Variants in SNX29 observed in about 807,000 individuals in gnomAD.
SNX29 encodes the protein sorting nexin-29.
Under a neutral mutation model 102.1 loss-of-function variants are expected in SNX29, and 78 were observed. That is an observed-to-expected ratio of 0.76 (90% CI 0.64 to 0.92). SNX29 has a LOEUF of 0.92. SNX29 is among the 40% of genes least tolerant of loss of function. SNX29 has a pLI of 0.00. For missense variants in SNX29, 1,280 were observed against 1,061.7 expected (o/e 1.21, Z -2.86); for synonymous variants, 580 against 414.5 (o/e 1.40, Z -4.85).
In SNX29 at chr16:12,573,188, G is replaced by C. The variant is rs928413872; in HGVS notation, c.*4559G>C. ...AGAAGTAAGGGTGTAGCCATCCAGG[G>C]TCTCCCGGCTCTAGGCAGACCGGAT... On this transcript the variant is annotated 3_prime_UTR_variant, in exon 21 of 21. Transcript: ENST00000566228. The C allele has an allele frequency of 4.4e-6, 1 of 226,220 alleles. No homozygotes were observed. The highest frequency in any genetic ancestry group is 8.8e-6 in the Non-Finnish European group (1 of 113,746). 14.0% of individuals were successfully genotyped at this position (226,220 alleles called of 1,614,324 possible).
chr16:12,296,343 C>T (rs528406634), intron 15 of SNX29, among the ~76,000 whole-genome samples: 1 of 152,300 alleles, frequency 6.6e-6, no homozygotes, highest in South Asian at 2.1e-4. Flanking sequence ...TGCTCTGCAC[C>T]TGTAAGTTTG....
At chr16:12,060,538 G>A (rs906588418) in intron 8 of SNX29, among the ~76,000 whole-genome samples, 1 of 152,214 alleles carries the variant, frequency 6.6e-6, no homozygotes, top group Non-Finnish European at 1.5e-5. Flanking sequence ...AAGAGCTCAA[G>A]GTTGCAGTGA....
chr16:12,051,929 C>G lies in SNX29; in HGVS notation c.831C>G (p.Asn277Lys). The stretch of plus-strand genomic sequence containing the variant: ...TTGATGATGAGGAAGATGAGCAGAA[C>G]TCTGGGGACGTGTTTAAAAAGACAC... ...ISFDDEEDEQ[N>K]SGDVFKKTPG... is the part of the protein sequence containing the mutation. Residue 277 changes from asparagine (N) to lysine (K), a missense_variant, in exon 8 of 21, where the codon AAC becomes AAG. By Grantham distance (94) the Asn-to-Lys change is moderately conservative. Transcript: ENST00000566228. 1 of 1,613,248 alleles carries G rather than the reference C, an allele frequency of 6.2e-7. No homozygotes were observed. The highest frequency in any genetic ancestry group is 8.5e-7 in the Non-Finnish European group (1 of 1,179,808).
At chr16:12,303,865 G>A (rs569045522) in intron 15 of SNX29, among the ~76,000 whole-genome samples, 3 of 152,152 alleles carry the variant, frequency 2.0e-5, no homozygotes, top group Non-Finnish European at 4.4e-5. Flanking sequence ...TGAGAATGAC[G>A]TGCACCTTCT....
At chr16:12,439,529 CAAG>C (rs1247217626) in intron 18 of SNX29, among the ~76,000 whole-genome samples, 1 of 152,154 alleles carries the variant, frequency 6.6e-6, no homozygotes, top group Non-Finnish European at 1.5e-5. Context: ...TGGTGGCAGA[CAAG>C]AGAATGAGAG....
intron 13 of SNX29, among the ~76,000 whole-genome samples, chr16:12,170,719 G>C (rs2076128946): frequency 6.6e-6 from 1 of 151,846 alleles, no homozygotes; most frequent in African/African-American, 2.4e-5. Context: ...AAGGGGTTCT[G>C]TGGGAGAGGA....
At chr16:12,125,603 CTCT>C (rs2054173036) in intron 11 of SNX29, among the ~76,000 whole-genome samples, 5 of 71,496 alleles carry the variant, frequency 7.0e-5, no homozygotes, top group African/African-American at 2.7e-4. Context: ...GCTGAGATCT[CTCT>C]TTTTTTTTTT....
intron 1 of SNX29, among the ~76,000 whole-genome samples, chr16:11,987,825 CCT>C (rs2055691524): frequency 6.6e-6 from 1 of 152,132 alleles, no homozygotes. Context: ...TCTCATTTCC[CCT>C]GTTCCTTTTT....
chr16:12,451,007 G>A (rs573906145), intron 18 of SNX29, among the ~76,000 whole-genome samples: 14 of 152,176 alleles, frequency 9.2e-5, no homozygotes, highest in Non-Finnish European at 1.9e-4. Flanking sequence ...GAATAACAAG[G>A]CTTCTGACCA....
intron 2 of SNX29, among the ~76,000 whole-genome samples, chr16:12,001,152 C>T (rs996120180): frequency 6.6e-6 from 1 of 152,020 alleles, no homozygotes; most frequent in African/African-American, 2.4e-5. Flanking sequence ...AGCTCTGTCG[C>T]CCGGGCTGGA....
chr16:12,497,016 G>C (rs66860614), intron 19 of SNX29, among the ~76,000 whole-genome samples: 32,264 of 152,064 alleles, frequency 0.21, 3,659 homozygotes, highest in South Asian at 0.39. Context: ...GTGTGGCCTT[G>C]GGTGAAGCCC....
At chr16:12,564,410 AT>A (rs1280224655) in intron 20 of SNX29, among the ~76,000 whole-genome samples, 1 of 152,112 alleles carries the variant, frequency 6.6e-6, no homozygotes, top group Non-Finnish European at 1.5e-5. Flanking sequence ...TCAATGATGT[AT>A]GATTGGCACT....
intron 18 of SNX29, among the ~76,000 whole-genome samples, chr16:12,452,966 C>T (rs963210272): frequency 1.3e-5 from 2 of 152,170 alleles, no homozygotes; most frequent in African/African-American, 4.8e-5. Flanking sequence ...TGGACTTCGT[C>T]TTGGCTAGTT....
intron 15 of SNX29, among the ~76,000 whole-genome samples, chr16:12,332,475 C>A (rs899173551): frequency 6.6e-6 from 1 of 152,000 alleles, no homozygotes; most frequent in African/African-American, 2.4e-5. Flanking sequence ...GTGTTACTCT[C>A]TTTGTGCGCC....
At chr16:12,269,095 C>T (rs2079017824) in intron 14 of SNX29, among the ~76,000 whole-genome samples, 1 of 152,218 alleles carries the variant, frequency 6.6e-6, no homozygotes, top group Admixed American at 6.5e-5. Flanking sequence ...CTACCAAACA[C>T]AGTCTCCCTG....
chr16:12,403,192 T>TTGTG lies in SNX29; in HGVS notation c.1956-250_1956-247dup, dbSNP rs1321237155. Among the ~76,000 whole-genome samples the TTGTG allele has an allele frequency of 1.2e-3, 152 of 129,704 alleles. 1 individual carries two copies. Among genetic ancestry groups the TTGTG allele is most frequent in the African/African-American group, 2.8e-3 (93 of 32,814 alleles). The allele number at this position is 129,704 out of a possible 152,430, so 85.1% of individuals were successfully genotyped here. A position where few individuals can be genotyped will look rare whatever the true frequency, so the allele number is the denominator to read the frequency against. On this transcript the variant is annotated intron_variant, in intron 17 of 20. Transcript: ENST00000566228. ...GCTCTTTCACATTCCGGAGTACAGA[T>TTGTG]TGTGTGTGTATGTGTGTGTGTGTGT...
At chr16:12,368,887 C>T (rs2082581527) in intron 16 of SNX29, among the ~76,000 whole-genome samples, 2 of 152,180 alleles carry the variant, frequency 1.3e-5, no homozygotes, top group Admixed American at 1.3e-4. Context: ...CTTGAAATGG[C>T]CTCTCTGTTC....
intron 3 of SNX29, among the ~76,000 whole-genome samples, chr16:12,019,159 A>G (rs551949395): frequency 3.9e-5 from 6 of 152,330 alleles, no homozygotes; most frequent in Non-Finnish European, 7.4e-5. Context: ...TTGTTTTAGC[A>G]AATGAGTTAG....
At chr16:12,228,832 T>C (rs928439362) in intron 14 of SNX29, among the ~76,000 whole-genome samples, 1 of 152,250 alleles carries the variant, frequency 6.6e-6, no homozygotes, top group Non-Finnish European at 1.5e-5. Context: ...TTGATTTGCC[T>C]GAGGCCACAT....
Sources: gnomAD v4.1 joint callset for allele counts (sites outside exome capture counted in the v4.1 genomes callset) on GRCh38, gnomAD v4.1.1 for gene constraint, MANE v1.5 for transcripts, NCBI Gene and HGNC (gene_info 2026-07-23, HGNC 2026-07-21) for gene names.